ZNF385D: variants seen among roughly 807,000 people sequenced by gnomAD.
ZNF385D encodes zinc finger protein 659.
A neutral mutation model predicts 35.8 loss-of-function variants in ZNF385D; 15 were observed. That is an observed-to-expected ratio of 0.42 (90% CI 0.28 to 0.64). The LOEUF (loss-of-function observed/expected upper bound fraction) is 0.64. Ranked by LOEUF, ZNF385D falls within the 30% of genes least tolerant of loss-of-function variation. The pLI, the probability that ZNF385D is intolerant of heterozygous loss-of-function variation, is 0.23. For synonymous variants in ZNF385D, 212 were observed against 186.8 expected (o/e 1.13, Z -1.10); for missense variants, 474 against 494.6 (o/e 0.96, Z 0.39).
rs1236042454 is a variant in ZNF385D, at chr3:21,962,623, C to T, written c.325+206194G>A. Among the ~76,000 whole-genome samples the T allele has an allele frequency of 2.6e-5, 4 of 152,052 alleles. No individual in the cohort carries two copies. The East Asian group carries it at 7.7e-4, about 29-fold the overall frequency. ...CAGATGGAATGCAGCAGTTCAGCTCCCAGAAGGGAAATGTGGTCAATATTT... is the reference window on the plus strand; with the variant it reads ...CAGATGGAATGCAGCAGTTCAGCTCTCAGAAGGGAAATGTGGTCAATATTT... On this transcript the variant is annotated intron_variant, in intron 3 of 5. Transcript: ENST00000494108.
At chr3:21,795,962 T>C (rs1403679213) in intron 3 of ZNF385D, among the ~76,000 whole-genome samples, 1 of 152,184 alleles carries the variant, frequency 6.6e-6, no homozygotes, top group African/African-American at 2.4e-5. Context: ...AGGCATACAT[T>C]TGAAAGATCT....
chr3:22,171,818 A>G (rs1303317528), intron 2 of ZNF385D, among the ~76,000 whole-genome samples: 1 of 148,368 alleles, frequency 6.7e-6, no homozygotes, highest in Non-Finnish European at 1.5e-5. Context: ...TAGAGCTTGC[A>G]GTGAGCCGAG....
intron 3 of ZNF385D, among the ~76,000 whole-genome samples, chr3:21,912,812 G>C (rs1019063954): frequency 6.6e-6 from 1 of 152,066 alleles, no homozygotes; most frequent in Admixed American, 6.6e-5. Flanking sequence ...GCATTCCTGG[G>C]TCATTATTGG....
chr3:21,671,780 A>G (rs1257527348), intron 1 of ZNF385D, among the ~76,000 whole-genome samples: 2 of 152,148 alleles, frequency 1.3e-5, no homozygotes, highest in Admixed American at 1.3e-4. Context: ...AGGTGGAAGG[A>G]AGGAAGGAAG....
chr3:22,239,131 A>G (rs968695170), intron 2 of ZNF385D, among the ~76,000 whole-genome samples: 4 of 151,138 alleles, frequency 2.6e-5, no homozygotes, highest in South Asian at 2.2e-4. Flanking sequence ...AAAATATATG[A>G]TAACACGAAA....
chr3:21,958,120 T>G (rs1264080928), intron 3 of ZNF385D, among the ~76,000 whole-genome samples: 2 of 152,116 alleles, frequency 1.3e-5, no homozygotes, highest in African/African-American at 4.8e-5. Flanking sequence ...CTCCCTGAAA[T>G]TTTTTATCTC....
chr3:21,970,006 G>A lies in ZNF385D; in HGVS notation c.325+198811C>T, dbSNP rs561763573. Among the ~76,000 whole-genome samples the A allele has an allele frequency of 5.9e-5, 9 of 152,226 alleles. No individual in the cohort carries two copies. The South Asian group carries it at 8.3e-4, about 14-fold the overall frequency. ...AAGAGTTACTGTGTTATTGAGCTTGGGTGTCCCCTAAGGCAGATATAGCTG... is the reference window on the plus strand; with the variant it reads ...AAGAGTTACTGTGTTATTGAGCTTGAGTGTCCCCTAAGGCAGATATAGCTG... On this transcript the variant is annotated intron_variant, in intron 3 of 5. Transcript: ENST00000494108.
intron 2 of ZNF385D, among the ~76,000 whole-genome samples, chr3:22,360,782 A>C (rs1398361679): frequency 3.9e-5 from 6 of 152,010 alleles, no homozygotes; most frequent in Non-Finnish European, 8.8e-5. Context: ...CTTCAACTTT[A>C]ATGTTTAGAC....
At position 21,987,264 on chromosome 3, in the gene ZNF385D, C is replaced by T. The variant is rs1384417765; in HGVS notation, c.325+181553G>A. On this transcript the variant is annotated intron_variant, in intron 3 of 5. Transcript: ENST00000494108. ...AGTTGATGCAGTTTCTTCCTAGTCT[C>T]GATGGTCTTTACATTTTGGCATGAT... Among the ~76,000 whole-genome samples the T allele has an allele frequency of 3.3e-4, 46 of 139,860 alleles. 1 individual carries two copies. Among genetic ancestry groups the T allele is most frequent in the Middle Eastern group, 3.6e-3 (1 of 276 alleles). 91.8% of individuals were successfully genotyped at this position (139,860 alleles called of 152,430 possible). A position where few individuals can be genotyped will look rare whatever the true frequency, so the allele number is the denominator to read the frequency against.
intron 3 of ZNF385D, among the ~76,000 whole-genome samples, chr3:21,989,140 G>T (rs1293736985): frequency 6.6e-6 from 1 of 152,156 alleles, no homozygotes; most frequent in East Asian, 1.9e-4. Context: ...GGGAGCTGTA[G>T]ACCGGAGCTG....
rs138609689 is a variant in ZNF385D at position 21,784,474 on chromosome 3, G to C, written c.326-119446C>G. On this transcript the variant is annotated intron_variant, in intron 3 of 5. Transcript: ENST00000494108. Reference sequence around the variant, plus strand: ...TGGAAGCGATAAAGAAATTCAAATAGTCTACTTTTAAGTAACGTGTAAAGT... The same window carrying C: ...TGGAAGCGATAAAGAAATTCAAATACTCTACTTTTAAGTAACGTGTAAAGT... 3.2e-3 allele frequency among the ~76,000 whole-genome samples: 484 copies of C among 152,100 alleles called. 6 individuals are homozygous for C. The highest frequency in any genetic ancestry group is 0.011 in the South Asian group (53 of 4,818).
At chr3:21,630,611 T>G (rs2065253427) in intron 2 of ZNF385D, among the ~76,000 whole-genome samples, 1 of 152,150 alleles carries the variant, frequency 6.6e-6, no homozygotes, top group South Asian at 2.1e-4. Flanking sequence ...TTCATCTTTT[T>G]GGGCCTCACT....
At chr3:21,528,082 C>T (rs1186220838) in intron 3 of ZNF385D, among the ~76,000 whole-genome samples, 2 of 152,122 alleles carry the variant, frequency 1.3e-5, no homozygotes, top group East Asian at 3.9e-4. Flanking sequence ...AGATTTGAAA[C>T]CAGGTCTCCC....
chr3:22,307,213 G>A (rs6550675), intron 2 of ZNF385D, among the ~76,000 whole-genome samples: 46,589 of 151,954 alleles, frequency 0.31, 7,431 homozygotes, highest in Non-Finnish European at 0.35. Flanking sequence ...GTGGGGAGGT[G>A]GGAAGTGTTT....
chr3:21,460,440 C>T (rs79562024), intron 4 of ZNF385D, among the ~76,000 whole-genome samples: 3,188 of 152,216 alleles, frequency 0.021, 107 homozygotes, highest in African/African-American at 0.073. Context: ...TTATGCTAAA[C>T]TATATTCAGT....
rs111323326 is a variant in ZNF385D, at chr3:21,781,532, T to C, written c.326-116504A>G. Among the ~76,000 whole-genome samples, 8 of 152,160 alleles carry C rather than the reference T, an allele frequency of 5.3e-5. 1 individual carries two copies. The highest frequency in any genetic ancestry group is 1.7e-4 in the African/African-American group (7 of 41,540). On this transcript the variant is annotated intron_variant, in intron 3 of 5. Transcript: ENST00000494108. The stretch of plus-strand genomic sequence containing the variant: ...TATTTTGAGAAAACAAATAATTCTT[T>C]ATGGAAAGCTTTTTTGAATAATGGT...
chr3:22,229,814 C>T (rs1363777671), intron 2 of ZNF385D, among the ~76,000 whole-genome samples: 1 of 152,110 alleles, frequency 6.6e-6, no homozygotes, highest in South Asian at 2.1e-4. Context: ...TCCCCTTGGG[C>T]AATGCTGCTT....
At chr3:21,458,208 C>T (rs1340875691) in intron 4 of ZNF385D, among the ~76,000 whole-genome samples, 1 of 151,680 alleles carries the variant, frequency 6.6e-6, no homozygotes, top group East Asian at 1.9e-4. Context: ...CTCGGTTGCT[C>T]ATACCTGTAA....
intron 1 of ZNF385D, among the ~76,000 whole-genome samples, chr3:21,735,534 A>T (rs2069202986): frequency 6.6e-6 from 1 of 152,196 alleles, no homozygotes. Flanking sequence ...AAATTCTTCT[A>T]TTGGATATTA....
Sources: gnomAD v4.1 joint callset for allele counts (sites outside exome capture counted in the v4.1 genomes callset) on GRCh38, gnomAD v4.1.1 for gene constraint, MANE v1.5 for transcripts, NCBI Gene and HGNC (gene_info 2026-07-23, HGNC 2026-07-21) for gene names.